DOCK1: variants seen among roughly 807,000 people sequenced by gnomAD.
DOCK1 encodes dedicator of cytokinesis 1, also known as dedicator of cytokinesis protein 1.
A neutral mutation model predicts 262.7 loss-of-function variants in DOCK1; 138 were observed. The observed-to-expected ratio is 0.53, with a 90% CI of 0.46 to 0.61. The LOEUF is 0.61. Ranked by LOEUF, DOCK1 falls within the 20% of genes least tolerant of loss-of-function variation. The pLI, the probability that DOCK1 is intolerant of heterozygous loss-of-function variation, is 0.00. For synonymous variants in DOCK1, 866 were observed against 867.4 expected, an observed-to-expected ratio of 1.00 and a Z score of 0.03; for missense variants, 1,908 against 2,370.7, an observed-to-expected ratio of 0.80 and a Z score of 4.05.
chr10:127,115,366 T>C (rs2049119266), intron 25 of DOCK1, among the ~76,000 whole-genome samples: 2 of 152,166 alleles, frequency 1.3e-5, no homozygotes, highest in South Asian at 4.1e-4. Flanking sequence ...TGTCTCGCCA[T>C]GTGACTTGAC....
intron 1 of DOCK1, among the ~76,000 whole-genome samples, chr10:126,913,656 C>T (rs141298043): frequency 2.0e-3 from 298 of 152,346 alleles, no homozygotes; most frequent in Non-Finnish European, 3.4e-3. Context: ...CACATGCCCA[C>T]ATGCACGTGG....
At chr10:126,934,413 A>G (rs1217697399) in intron 1 of DOCK1, among the ~76,000 whole-genome samples, 20 of 152,360 alleles carry the variant, frequency 1.3e-4, no homozygotes, top group African/African-American at 2.9e-4. Flanking sequence ...GCTCTGTTGC[A>G]GGCTCCCACC....
intron 23 of DOCK1, among the ~76,000 whole-genome samples, chr10:127,062,270 C>G (rs116026391): frequency 0.012 from 1,885 of 152,080 alleles, 29 homozygotes; most frequent in African/African-American, 0.034. Context: ...TTTTAGATGA[C>G]ACATAAAAAC....
chr10:126,909,711 T>C (rs1197439671), intron 1 of DOCK1, among the ~76,000 whole-genome samples: 1 of 152,238 alleles, frequency 6.6e-6, no homozygotes, highest in Non-Finnish European at 1.5e-5. Context: ...CCAAGCCTGC[T>C]TGCTGCCGAG....
chr10:127,444,133 C>T lies in DOCK1; in HGVS notation c.5267C>T (p.Pro1756Leu), dbSNP rs1212969271. The change falls in exon 50 of 52, where the codon CCC becomes CTC. Residue 1756 changes from proline (P) to leucine (L), a missense_variant. This residue lies in a region of DOCK1 where 383 missense variants were observed against 420.1 expected (regional missense o/e 0.91). Coordinates refer to ENST00000623213, the MANE Select transcript of DOCK1 (RefSeq NM_001290223.2). ...EAVILSETISPLRPQRPKSQV... is the reference protein window; with the variant it reads ...EAVILSETISLLRPQRPKSQV... ...TCTGTCCTTTTGATGTAGATAAGTC[C>T]CCTGCGGCCCCAGAGACCGAAGAGC... 3.2e-6 allele frequency: 5 copies of T among 1,560,958 alleles called. No individual in the cohort carries two copies. In the South Asian group the frequency reaches 5.9e-5, roughly 18 times the overall value.
At chr10:127,123,410 ATAT>A (rs1292811447) in intron 25 of DOCK1, among the ~76,000 whole-genome samples, 1 of 152,118 alleles carries the variant, frequency 6.6e-6, no homozygotes, top group African/African-American at 2.4e-5. Context: ...CATTTGGGAG[ATAT>A]TATGGTGGGC....
rs910127800 is a variant in DOCK1, at chr10:126,939,343, C to A, written c.47-31359C>A. Among the ~76,000 whole-genome samples, 18 of 152,214 alleles carry A rather than the reference C, an allele frequency of 1.2e-4. No homozygotes were observed. In the East Asian group the frequency reaches 3.5e-3, roughly 29 times the overall value. ...ATCAGACCATAGCAGTAGCTTTGTA[C>A]TAAATTTTGAAATCAGGAAGTGCAA... On this transcript the variant is annotated intron_variant, in intron 1 of 51. Coordinates refer to ENST00000623213, the MANE Select transcript of DOCK1 (RefSeq NM_001290223.2).
chr10:127,118,817 C>T (rs1385142800), intron 25 of DOCK1, among the ~76,000 whole-genome samples: 1 of 152,176 alleles, frequency 6.6e-6, no homozygotes, highest in Non-Finnish European at 1.5e-5. Context: ...TGTGTTTACT[C>T]CATTTTACAG....
At position 127,127,670 on chromosome 10, in the gene DOCK1, G is replaced by A. The variant is rs540787166; in HGVS notation, c.2753G>A (p.Gly918Glu). ...ILEVLYRKDV[G>E]PTQRHVQIIM... Reference sequence around the variant, plus strand: ...GTTCATTGGTGTGTCCTTCCCCAGGGGCCAACCCAGAGGCACGTCCAGATT... The same window carrying A: ...GTTCATTGGTGTGTCCTTCCCCAGGAGCCAACCCAGAGGCACGTCCAGATT... The change falls in exon 27 of 52, where the codon GGG (glycine) becomes GAG (glutamate). Residue 918 changes from glycine to glutamate, a missense_variant and splice_region_variant. By Grantham distance (98) the Gly-to-Glu change is moderately conservative. Transcript: ENST00000623213. 1.2e-5 allele frequency: 19 copies of A among 1,611,052 alleles called. No individual in the cohort carries two copies. In the East Asian group the frequency reaches 4.0e-4, roughly 34 times the overall value.
intron 28 of DOCK1, among the ~76,000 whole-genome samples, chr10:127,255,177 A>T (rs1344811729): frequency 3.3e-5 from 5 of 152,142 alleles, no homozygotes; most frequent in African/African-American, 1.2e-4. Flanking sequence ...AGGCAGGAGG[A>T]TTCCTTGAGC....
At chr10:126,951,688 G>A (rs1166575444) in intron 1 of DOCK1, among the ~76,000 whole-genome samples, 1 of 151,790 alleles carries the variant, frequency 6.6e-6, no homozygotes, top group African/African-American at 2.4e-5. Flanking sequence ...TATTGTTGTT[G>A]GTATTACTAG....
At chr10:127,237,097 G>C (rs756558128) in intron 27 of DOCK1, among the ~76,000 whole-genome samples, 3 of 152,078 alleles carry the variant, frequency 2.0e-5, no homozygotes, top group African/African-American at 7.2e-5. Flanking sequence ...GGTGACTCTC[G>C]CCTGTAATCC....
chr10:127,104,623 A>G (rs1359264209), intron 23 of DOCK1, among the ~76,000 whole-genome samples: 2 of 152,196 alleles, frequency 1.3e-5, no homozygotes, highest in East Asian at 3.8e-4. Context: ...TCCAGTGTTC[A>G]AAGTGTTACC....
At chr10:127,122,615 G>A (rs1172580073) in intron 25 of DOCK1, among the ~76,000 whole-genome samples, 2 of 146,158 alleles carry the variant, frequency 1.4e-5, no homozygotes, top group Non-Finnish European at 3.0e-5. Flanking sequence ...TGGTCTATCA[G>A]GATGGTTATA....
In DOCK1 at chr10:127,100,552, C is replaced by G. The variant is rs2048181439; in HGVS notation, c.2446-5679C>G. 6.6e-6 allele frequency among the ~76,000 whole-genome samples: 1 copy of G among 151,984 alleles called. No individual in the cohort carries two copies. The highest frequency in any genetic ancestry group is 2.4e-5 in the African/African-American group (1 of 41,410). On this transcript the variant is annotated intron_variant, in intron 23 of 51. Transcript: ENST00000623213. The surrounding 1 kb of genome is among the most constrained non-coding windows in gnomAD (Gnocchi z 5.5). ...GTTGGGCTCAGGAGGAAGGGGAGCCCTGGAGATGGATCAGAATTGGGAGTC... is the reference window on the plus strand; with the variant it reads ...GTTGGGCTCAGGAGGAAGGGGAGCCGTGGAGATGGATCAGAATTGGGAGTC...
At chr10:127,230,995 T>A (rs2058820848) in intron 27 of DOCK1, among the ~76,000 whole-genome samples, 1 of 152,176 alleles carries the variant, frequency 6.6e-6, no homozygotes, top group South Asian at 2.1e-4. Flanking sequence ...CAATGTTTTA[T>A]AGTTTTCAGT....
chr10:127,141,966 T>C (rs2051304078), intron 27 of DOCK1, among the ~76,000 whole-genome samples: 1 of 152,232 alleles, frequency 6.6e-6, no homozygotes, highest in Admixed American at 6.5e-5. Flanking sequence ...GGTCCCCTCC[T>C]TTCCGTCTTC....
chr10:127,148,879 C>T (rs1222379949), intron 27 of DOCK1, among the ~76,000 whole-genome samples: 4 of 152,144 alleles, frequency 2.6e-5, no homozygotes, highest in East Asian at 1.9e-4. Context: ...GTAGCACAGT[C>T]GGTCTGCATC....
chr10:127,070,776 G>A (rs1364527262), intron 23 of DOCK1, among the ~76,000 whole-genome samples: 1 of 151,384 alleles, frequency 6.6e-6, no homozygotes, highest in Admixed American at 6.6e-5. Flanking sequence ...ATGTGATTCC[G>A]ACTCTGTAGG....
Sources: gnomAD v4.1 joint callset for allele counts (sites outside exome capture counted in the v4.1 genomes callset) on GRCh38, gnomAD v4.1.1 for gene constraint, gnomAD v4.1.1 regional missense constraint, Gnocchi (gnomAD v3.1) non-coding constraint, MANE v1.5 for transcripts, NCBI Gene and HGNC (gene_info 2026-07-23, HGNC 2026-07-21) for gene names.